ZFAT: variants seen among roughly 807,000 people sequenced by gnomAD.
The protein encoded by ZFAT is zinc finger and AT-hook domain containing.
In ZFAT, 64 loss-of-function variants were observed where a neutral mutation model predicts 117.7. That is an observed-to-expected ratio of 0.54 (90% CI 0.44 to 0.67). The LOEUF (loss-of-function observed/expected upper bound fraction) is 0.67, where lower values mean the gene tolerates loss of function less well. Among genes scored for constraint, ZFAT ranks in the 30% least tolerant of loss-of-function variants. The probability of loss-of-function intolerance (pLI) is 0.00; values close to 1 mark genes in which losing one functional copy is unlikely to be tolerated. For synonymous variants in ZFAT, 679 were observed against 615.0 expected, an observed-to-expected ratio of 1.10 and a Z score of -1.54; for missense variants, 1,433 against 1,584.5, an observed-to-expected ratio of 0.90 and a Z score of 1.62.
At chr8:134,698,690 C>T (rs1224793014) in intron 1 of ZFAT, among the ~76,000 whole-genome samples, 1 of 152,122 alleles carries the variant, frequency 6.6e-6, no homozygotes, top group Non-Finnish European at 1.5e-5. Flanking sequence ...ACAGAACCAG[C>T]CTCCCGGACA....
At chr8:134,601,378 G>T (rs1480213615) in intron 6 of ZFAT, 99 bp downstream of exon 6, 18 of 1,484,548 alleles carry the variant, frequency 1.2e-5, no homozygotes, top group Non-Finnish European at 1.5e-5. Context: ...TCACTTAGAA[G>T]GTATTCTTTG....
intron 7 of ZFAT, 85 bp downstream of exon 7, chr8:134,600,351 C>T (rs1184385388): frequency 3.3e-6 from 4 of 1,210,014 alleles, no homozygotes; most frequent in South Asian, 1.2e-5. Flanking sequence ...TGACCTGCAG[C>T]AGAGACACCT....
intron 11 of ZFAT, among the ~76,000 whole-genome samples, chr8:134,547,108 C>G (rs1484240074): frequency 6.6e-6 from 1 of 152,152 alleles, no homozygotes; most frequent in East Asian, 1.9e-4. Flanking sequence ...ATCTTGCAGA[C>G]AAGGCCCTGC....
chr8:134,502,100 T>G (rs142108168), intron 15 of ZFAT, among the ~76,000 whole-genome samples: 2 of 152,246 alleles, frequency 1.3e-5, no homozygotes, highest in African/African-American at 4.8e-5. Context: ...TTTTGAAGCC[T>G]CATAGAGTCA....
At chr8:134,608,967 G>A (rs559587880) in intron 4 of ZFAT, 88 bp from the exon 5 acceptor site, 742 of 1,463,300 alleles carry the variant, frequency 5.1e-4, no homozygotes, top group Non-Finnish European at 6.2e-4. Context: ...GTGCTGGGAA[G>A]TCTATTTCTA....
chr8:134,714,022 C>G (rs1814147528), upstream of ZFAT, among the ~76,000 whole-genome samples: 1 of 96,798 alleles, frequency 1.0e-5, no homozygotes. Context: ...TTTTCACTTA[C>G]AGTAGTCATA....
chr8:134,762,632 A>G, the ZFAT span, among the ~76,000 whole-genome samples: 1 of 152,194 alleles, frequency 6.6e-6, no homozygotes, highest in Admixed American at 6.5e-5. Flanking sequence ...GTGTCTTGCC[A>G]TCTGTATCTT....
intron 5 of ZFAT, among the ~76,000 whole-genome samples, chr8:134,603,220 C>G (rs1381076892): frequency 1.3e-5 from 2 of 152,142 alleles, no homozygotes; most frequent in Non-Finnish European, 2.9e-5. Context: ...GGAAAGAGAC[C>G]TCTAACCTGG....
chr8:134,718,206 C>T, the ZFAT span, among the ~76,000 whole-genome samples: 4 of 152,210 alleles, frequency 2.6e-5, no homozygotes, highest in Non-Finnish European at 4.4e-5. Context: ...GTATTTAAAT[C>T]GTTTAGGAAA....
chr8:134,492,745 TTA>T (rs1195400587), intron 15 of ZFAT, among the ~76,000 whole-genome samples: 2 of 152,028 alleles, frequency 1.3e-5, no homozygotes, highest in African/African-American at 2.4e-5. Flanking sequence ...AATCCTGAAT[TTA>T]TAGAGGAAAG....
intron 1 of ZFAT, among the ~76,000 whole-genome samples, chr8:134,673,891 T>A (rs1356778506): frequency 1.3e-5 from 2 of 152,178 alleles, no homozygotes; most frequent in Non-Finnish European, 2.9e-5. Context: ...GGTGGGCAGA[T>A]CACCTGAGGT....
chr8:134,611,241 T>C (rs1264470522), intron 3 of ZFAT, among the ~76,000 whole-genome samples: 1 of 152,150 alleles, frequency 6.6e-6, no homozygotes, highest in African/African-American at 2.4e-5. Context: ...CTCCACTTCG[T>C]GGGGAGGTAA....
At chr8:134,661,457 G>A (rs1013487757) in intron 1 of ZFAT, among the ~76,000 whole-genome samples, 1 of 152,184 alleles carries the variant, frequency 6.6e-6, no homozygotes, top group Non-Finnish European at 1.5e-5. Flanking sequence ...GCTCCCCTGC[G>A]TGTCCACACC....
chr8:134,654,231 G>A lies in ZFAT; in HGVS notation c.196+3330C>T, dbSNP rs575290309. 9.2e-5 allele frequency among the ~76,000 whole-genome samples: 14 copies of A among 152,150 alleles called. No homozygotes were observed. The South Asian group carries it at 1.4e-3, about 16-fold the overall frequency. On this transcript the variant is annotated intron_variant, in intron 2 of 15. Coordinates refer to ENST00000377838, the MANE Select transcript of ZFAT (RefSeq NM_020863.4). ...AATCACTTGAACCCGGGAGACGGAC[G>A]TTGCAGTGAGCCAAGATCACGCCAT...
At chr8:134,665,479 C>A (rs1188947058) in intron 1 of ZFAT, among the ~76,000 whole-genome samples, 2 of 152,222 alleles carry the variant, frequency 1.3e-5, no homozygotes, top group Non-Finnish European at 2.9e-5. Flanking sequence ...GTACGCCCAC[C>A]TGGTGGGAGT....
At chr8:134,692,555 G>A (rs11783654) in intron 1 of ZFAT, among the ~76,000 whole-genome samples, 4,003 of 152,286 alleles carry the variant, frequency 0.026, 107 homozygotes, top group Non-Finnish European at 0.036. Flanking sequence ...TCCTTTCACT[G>A]AAATACGCTC....
Position 134,672,159 on chromosome 8 carries a change from T to C in ZFAT, c.20-14422A>G, listed in dbSNP as rs200637931. 4.7e-3 allele frequency among the ~76,000 whole-genome samples: 719 copies of C among 152,284 alleles called. 3 individuals carry two copies. Among genetic ancestry groups the C allele is most frequent in the African/African-American group, 0.016 (671 of 41,530 alleles). Reference sequence around the variant, plus strand: ...GTTCATGGATAGGAAGAATCAATATTGTGAAAATGGCCATACTGCCCAAGG... The same window carrying C: ...GTTCATGGATAGGAAGAATCAATATCGTGAAAATGGCCATACTGCCCAAGG... On this transcript the variant is annotated intron_variant, in intron 1 of 15. Coordinates refer to ENST00000377838, the MANE Select transcript of ZFAT (RefSeq NM_020863.4).
chr8:134,524,155 C>G (rs1190466880), intron 12 of ZFAT, among the ~76,000 whole-genome samples: 1 of 152,206 alleles, frequency 6.6e-6, no homozygotes, highest in African/African-American at 2.4e-5. Context: ...CCTTGGACTT[C>G]TGCACCTCCC....
intron 2 of ZFAT, among the ~76,000 whole-genome samples, chr8:134,650,204 C>T (rs1432176224): frequency 2.6e-5 from 4 of 151,124 alleles, no homozygotes; most frequent in African/African-American, 9.8e-5. Context: ...CTCACTGCAA[C>T]CTCTGCCTCC....
Sources: allele counts gnomAD v4.1 joint callset (sites outside exome capture counted in the v4.1 genomes callset), GRCh38; gene constraint gnomAD v4.1.1; transcripts MANE v1.5; gene names NCBI Gene and HGNC (gene_info 2026-07-23, HGNC 2026-07-21).